Variants in PLCB2 observed in about 807,000 individuals in gnomAD.
PLCB2 encodes the protein phospholipase C beta 2, also known as 1-phosphatidylinositol 4,5-bisphosphate phosphodiesterase beta-2.
A neutral mutation model predicts 141.7 loss-of-function variants in PLCB2; 115 were observed. The observed-to-expected ratio is 0.81, with a 90% CI of 0.70 to 0.95. PLCB2 has a LOEUF of 0.95. Among genes scored for constraint, PLCB2 ranks in the 40% least tolerant of loss-of-function variants. The pLI is 0.00. For synonymous variants in PLCB2, 603 were observed against 595.6 expected (o/e 1.01, Z -0.18); for missense variants, 1,403 against 1,541.1 (o/e 0.91, Z 1.50).
chr15:40,299,240 G>A lies in PLCB2; in HGVS notation c.583-12C>T. 1 of 1,562,698 alleles carries A rather than the reference G, an allele frequency of 6.4e-7. No homozygotes were observed. The highest frequency in any genetic ancestry group is 8.8e-7 in the Non-Finnish European group (1 of 1,133,036). ...TTGATGGCGTCATTCTAGGGGCATA[G>A]TAACCTTATTGCCCCTGCCCTCACC... On this transcript the variant is annotated splice_polypyrimidine_tract_variant and intron_variant, in intron 7 of 31. Transcript: ENST00000260402.
intron 18 of PLCB2, 150 bp downstream of exon 18, chr15:40,294,786 T>C: frequency 1.1e-6 from 1 of 929,608 alleles, no homozygotes; most frequent in African/African-American, 1.7e-5. Context: ...AATGCATTTC[T>C]ACCCCCAAAT....
rs2141044629 is a variant in PLCB2 at position 40,291,046 on chromosome 15, A to G, written c.3008T>C (p.Leu1003Pro). The G allele has an allele frequency of 6.3e-7, 1 of 1,594,310 alleles. No individual in the cohort carries two copies. Among genetic ancestry groups the G allele is most frequent in the East Asian group, 2.2e-5 (1 of 44,510 alleles). ...GGCCACGTGCTGCTCCTTGCGCTTC[A>G]GAACGCACTCGTACTGCTCCTCGCC... ...RQGEEQYECVLKRKEQHVAEQ... is the reference protein window; with the variant it reads ...RQGEEQYECVPKRKEQHVAEQ... Residue 1003 changes from leucine (L) to proline (P), a missense_variant, in exon 27 of 32, where the codon CTG becomes CCG. Leu to Pro is a moderately conservative substitution (Grantham distance 98). Around this residue, in one of 4 missense-constraint regions of PLCB2, gnomAD observed 290 missense variants for 245.9 expected, o/e 1.18. Coordinates refer to ENST00000260402, the MANE Select transcript of PLCB2 (RefSeq NM_004573.3).
In PLCB2 at chr15:40,298,603, T is replaced by C. The variant is rs775422288; in HGVS notation, c.956A>G (p.Asn319Ser). ...GTGGGACGAGTTGATGAAGTAATGA[T>C]TGAGTGGCTGCGTCATGTCGTGGTG... Reference protein sequence around the residue: ...LLHHDMTQPLNHYFINSSHNT... With the variant: ...LLHHDMTQPLSHYFINSSHNT... The change falls in exon 10 of 32, where the codon AAT becomes AGT. Residue 319 changes from asparagine to serine, a missense_variant. Asn to Ser is a conservative substitution (Grantham distance 46). Transcript: ENST00000260402. 5 of 1,614,226 alleles carry C rather than the reference T, an allele frequency of 3.1e-6. No individual in the cohort carries two copies. The Admixed American group carries it at 5.0e-5, about 16-fold the overall frequency.
chr15:40,291,196 C>T lies in PLCB2; in HGVS notation c.2871-13G>A, dbSNP rs1397012501. The T allele has an allele frequency of 6.4e-7, 1 of 1,570,576 alleles. No homozygotes were observed. The highest frequency in any genetic ancestry group is 8.6e-7 in the Non-Finnish European group (1 of 1,166,506). On this transcript the variant is annotated splice_polypyrimidine_tract_variant and intron_variant, in intron 26 of 31. Coordinates refer to ENST00000260402, the MANE Select transcript of PLCB2 (RefSeq NM_004573.3). ...GCGGGGCAGGCTCCTGGGGAGGCCA[C>T]GTGGGGACAGGCCCTGAGATCCTGC...
chr15:40,303,295 A>C lies in PLCB2; in HGVS notation c.224T>G (p.Met75Arg). ...GCTACTGGACACACCTACCTTGGGC[A>C]TCTTGGCAAACTTCCCAAAGCGAGT... ...RDTRFGKFAKMPKSQKLRDVF... is the reference protein window; with the variant it reads ...RDTRFGKFAKRPKSQKLRDVF... The change falls in exon 3 of 32, where the codon ATG (methionine) becomes AGG (arginine). Residue 75 changes from methionine (M) to arginine (R), a missense_variant. By Grantham distance (91) the Met-to-Arg change is moderately conservative (BLOSUM62 -1). Transcript: ENST00000260402. 1 of 1,612,744 alleles carries C rather than the reference A, an allele frequency of 6.2e-7. No individual in the cohort carries two copies. The highest frequency in any genetic ancestry group is 8.5e-7 in the Non-Finnish European group (1 of 1,178,712).
chr15:40,307,386 C>A (rs893316458), intron 1 of PLCB2, among the ~76,000 whole-genome samples: 1 of 152,154 alleles, frequency 6.6e-6, no homozygotes, highest in Admixed American at 6.5e-5. Flanking sequence ...CACCTAGAAC[C>A]AAGGCTTAGC....
intron 31 of PLCB2, 76 bp downstream of exon 31, chr15:40,289,196 G>A: frequency 1.5e-6 from 2 of 1,318,414 alleles, no homozygotes; most frequent in Non-Finnish European, 2.2e-6. Flanking sequence ...CTCACTGGCA[G>A]CTCCCTGGGG....
At position 40,288,452 on chromosome 15, in the gene PLCB2, T is replaced by G. The variant is rs2039667959; in HGVS notation, c.*263A>C. 4 of 1,234,864 alleles carry G rather than the reference T, an allele frequency of 3.2e-6. No homozygotes were observed. In the East Asian group the frequency reaches 1.3e-4, roughly 40 times the overall value. 76.5% of individuals were successfully genotyped at this position (1,234,864 alleles called of 1,614,324 possible). ...CATAGTCTTTTGCCCTCAACAAATATATGACACTTATCTAGAGATGGAGGG... is the reference window on the plus strand; with the variant it reads ...CATAGTCTTTTGCCCTCAACAAATAGATGACACTTATCTAGAGATGGAGGG... On this transcript the variant is annotated 3_prime_UTR_variant, in exon 32 of 32. Coordinates refer to ENST00000260402, the MANE Select transcript of PLCB2 (RefSeq NM_004573.3).
chr15:40,286,028 C>T (rs2039604537), downstream of PLCB2: 4 of 985,414 alleles, frequency 4.1e-6, no homozygotes, highest in East Asian at 1.1e-4. Flanking sequence ...TGCCAGGTCT[C>T]GAGCCCTGGA....
rs778139359 is a variant in PLCB2, at chr15:40,294,303, C to A, written c.2024G>T (p.Arg675Leu). 5.0e-6 allele frequency: 8 copies of A among 1,614,044 alleles called. No homozygotes were observed. Among genetic ancestry groups the A allele is most frequent in the Non-Finnish European group, 5.9e-6 (7 of 1,180,022 alleles). ...DKQFNPFSVD[R>L]IDVVVATTLS... The stretch of plus-strand genomic sequence containing the variant: ...GGTGGTGGCCACCACCACGTCGATG[C>A]GGTCCACTGAGAAGGGGTTGAACTG... Residue 675 changes from arginine to leucine, a missense_variant, in exon 19 of 32, where the codon CGC becomes CTC. Physicochemically the swap from Arg to Leu is moderately radical, Grantham distance 102 (BLOSUM62 -2). Around this residue, in one of 4 missense-constraint regions of PLCB2, gnomAD observed 975 missense variants for 1,141.1 expected, o/e 0.85. Transcript: ENST00000260402.
chr15:40,289,968 A>AGAGAGAGGGT (rs1264563556), intron 30 of PLCB2, 57 bp downstream of exon 30: 1 of 518,594 alleles, frequency 1.9e-6, no homozygotes, highest in African/African-American at 2.5e-5. Context: ...AGAGAGAGAG[A>AGAGAGAGGGT]GTGTGTGTGT....
In PLCB2 at chr15:40,297,468, G is replaced by GC; in HGVS notation, c.1323+52dup. The GC allele has an allele frequency of 7.2e-7, 1 of 1,380,966 alleles. No homozygotes were observed. 85.5% of individuals were successfully genotyped at this position (1,380,966 alleles called of 1,614,324 possible). A position where few individuals can be genotyped will look rare whatever the true frequency, so the allele number is the denominator to read the frequency against. ...CCCTCCCTAACCTGGTTCTCACCCTGCCCCAGGTTCCCAGGCCCAAGGCTC... is the reference window on the plus strand; with the variant it reads ...CCCTCCCTAACCTGGTTCTCACCCTGCCCCCAGGTTCCCAGGCCCAAGGCTC... On this transcript the variant is annotated intron_variant, in intron 13 of 31. Coordinates refer to ENST00000260402, the MANE Select transcript of PLCB2 (RefSeq NM_004573.3). This position sits in a 1 kb window ranked among gnomAD's most constrained non-coding sequence, Gnocchi z 4.2.
intron 4 of PLCB2, 55 bp from the exon 5 acceptor site, chr15:40,302,404 G>T (rs1023567512): frequency 6.2e-7 from 1 of 1,612,570 alleles, no homozygotes; most frequent in Admixed American, 1.7e-5. Context: ...GCCCAGGCCT[G>T]TGTCTCTCAG....
downstream of PLCB2, chr15:40,285,563 G>GGGCCCCCTTCTGGGGT (rs2039599069): frequency 1.0e-6 from 1 of 985,402 alleles, no homozygotes; most frequent in African/African-American, 1.7e-5. Context: ...CCCAGAGCTA[G>GGGCCCCCTTCTGGGGT]GGCCCCCTTC....
intron 7 of PLCB2, chr15:40,301,696 C>T: frequency 1.4e-6 from 1 of 703,744 alleles, no homozygotes; most frequent in East Asian, 2.7e-5. Context: ...CACAGTCCAT[C>T]AACCACAGCC....
intron 20 of PLCB2, 69 bp from the exon 21 acceptor site, chr15:40,293,094 C>T (rs547414099): frequency 7.7e-4 from 732 of 945,920 alleles, no homozygotes; most frequent in Non-Finnish European, 1.1e-3. Flanking sequence ...CTCCCTGGCT[C>T]CAGAAGTCTC....
In PLCB2 at chr15:40,289,338, C is replaced by A. The variant is rs563904567; in HGVS notation, c.3288G>T (p.Arg1096Ser). Residue 1096 changes from arginine to serine, a missense_variant, in exon 31 of 32, where the codon AGG becomes AGT. Physicochemically the swap from Arg to Ser is moderately radical, Grantham distance 110 (BLOSUM62 -1). This residue lies in a region of PLCB2 where 132 missense variants were observed against 132.4 expected (regional missense o/e 1.00). Coordinates refer to ENST00000260402, the MANE Select transcript of PLCB2 (RefSeq NM_004573.3). ...GCTTCTCCTCCAGCTTCTCCTGGTGCCTCTCCAAGTTCTCCGTCATCTGGG... is the reference window on the plus strand; with the variant it reads ...GCTTCTCCTCCAGCTTCTCCTGGTGACTCTCCAAGTTCTCCGTCATCTGGG... ...VIKQMTENLE[R>S]HQEKLEEKQA... 168 of 1,614,008 alleles carry A rather than the reference C, an allele frequency of 1.0e-4. 1 individual carries two copies. In the South Asian group the frequency reaches 1.7e-3, roughly 16 times the overall value.
chr15:40,295,486 T>G (rs2040158625), intron 16 of PLCB2, among the ~76,000 whole-genome samples: 1 of 151,574 alleles, frequency 6.6e-6, no homozygotes, highest in Non-Finnish European at 1.5e-5. Flanking sequence ...GTGTTCTCAG[T>G]GTGTATGCAC....
intron 7 of PLCB2, among the ~76,000 whole-genome samples, chr15:40,299,528 G>A (rs2040406493): frequency 1.3e-5 from 2 of 152,150 alleles, no homozygotes; most frequent in Non-Finnish European, 1.5e-5. Flanking sequence ...GATGCTGCTT[G>A]CCAGGCTAGT....
Sources: allele counts gnomAD v4.1 joint callset (sites outside exome capture counted in the v4.1 genomes callset), GRCh38; gene constraint gnomAD v4.1.1; regional missense constraint gnomAD v4.1.1; non-coding constraint Gnocchi (gnomAD v3.1); transcripts MANE v1.5; gene names NCBI Gene and HGNC (gene_info 2026-07-23, HGNC 2026-07-21).